The following ADGRV1 variants were observed in gnomAD, a reference collection of about 807,000 sequenced individuals.
ADGRV1 encodes adhesion G protein-coupled receptor V1, also known as G-protein coupled receptor 98.
ADGRV1 carries 359 observed loss-of-function variants against 596.2 expected under a neutral mutation model. The observed-to-expected ratio is 0.60, with a 90% CI of 0.55 to 0.66. The LOEUF (loss-of-function observed/expected upper bound fraction) is 0.66. Ranked by LOEUF, ADGRV1 falls within the 30% of genes least tolerant of loss-of-function variation. The pLI, the probability that ADGRV1 is intolerant of heterozygous loss-of-function variation, is 0.00. For synonymous variants in ADGRV1, 2,681 were observed against 2,679.2 expected (o/e 1.00, Z -0.02); for missense variants, 7,274 against 7,575.6 (o/e 0.96, Z 1.48).
At chr5:90,791,421 C>A in intron 70 of ADGRV1, 75 bp downstream of exon 70, 2 of 1,096,148 alleles carry the variant, frequency 1.8e-6, no homozygotes, top group South Asian at 1.6e-5. Context: ...ACCTCATAAT[C>A]AGTTTGAAAT....
chr5:90,760,703 C>T (rs1043335480), intron 58 of ADGRV1, among the ~76,000 whole-genome samples: 1 of 152,150 alleles, frequency 6.6e-6, no homozygotes. Flanking sequence ...TTTCTTCTCT[C>T]TTACTTCTCA....
intron 85 of ADGRV1, chr5:91,031,118 AG>A: frequency 7.4e-7 from 1 of 1,358,936 alleles, no homozygotes; most frequent in Non-Finnish European, 1.0e-6. Flanking sequence ...CTTGTACACA[AG>A]TAAAAGAACA....
At position 90,790,944 on chromosome 5, in the gene ADGRV1, T is replaced by A; in HGVS notation, c.14115T>A (p.Ile4705=). Residue 4705 remains isoleucine (I), a synonymous_variant, in exon 70 of 90, where the codon ATT becomes ATA. Coordinates refer to ENST00000405460, the MANE Select transcript of ADGRV1 (RefSeq NM_032119.4). ...DFLSTSGFFT[I]ADGESEASFD... ...TTTCCACCAGTGGATTTTTCACCAT[T>A]GCTGATGGAGAGAGTGAAGCTAGCT... is the stretch of plus-strand genomic sequence containing the variant. 3 of 1,612,700 alleles carry A rather than the reference T, an allele frequency of 1.9e-6. No homozygotes were observed. The highest frequency in any genetic ancestry group is 2.5e-6 in the Non-Finnish European group (3 of 1,179,822).
At chr5:90,923,457 T>G (rs1417714315) in intron 83 of ADGRV1, among the ~76,000 whole-genome samples, 1 of 151,996 alleles carries the variant, frequency 6.6e-6, no homozygotes, top group Non-Finnish European at 1.5e-5. Context: ...TACTAAAATA[T>G]AACTCTGAAA....
At position 90,629,446 on chromosome 5, in the gene ADGRV1, C is replaced by T. The variant is rs1765213784; in HGVS notation, c.1746C>T (p.Asp582=). Residue 582 remains aspartate (D), a synonymous_variant, in exon 9 of 90, where the codon GAC becomes GAT. Transcript: ENST00000405460. The stretch of plus-strand genomic sequence containing the variant: ...TCTTAAATATATCAAGGAGAAATGA[C>T]CTCATTTTTCCAGAGCAAAAAACTC... ...EGILNISRRN[D]LIFPEQKTQV... is the part of the protein sequence containing the mutation. 1 of 1,613,346 alleles carries T rather than the reference C, an allele frequency of 6.2e-7. No homozygotes were observed. The highest frequency in any genetic ancestry group is 8.5e-7 in the Non-Finnish European group (1 of 1,179,578).
intron 86 of ADGRV1, among the ~76,000 whole-genome samples, chr5:91,093,858 T>G (rs560707826): frequency 2.6e-5 from 4 of 151,522 alleles, no homozygotes; most frequent in South Asian, 2.1e-4. Context: ...TAAGTTTTTT[T>G]TTTTTTTTTT....
At chr5:90,808,320 T>C (rs920892494) in intron 73 of ADGRV1, among the ~76,000 whole-genome samples, 13 of 152,196 alleles carry the variant, frequency 8.5e-5, no homozygotes, top group Admixed American at 5.2e-4. Flanking sequence ...GACTTAGGGA[T>C]TTAGTCCTGG....
intron 85 of ADGRV1, among the ~76,000 whole-genome samples, chr5:91,068,010 T>A (rs1160832337): frequency 6.6e-6 from 1 of 152,202 alleles, no homozygotes; most frequent in Admixed American, 6.5e-5. Context: ...CAGGTAATGA[T>A]TCAGGCTTCA....
chr5:91,153,044 A>G (rs1033165220), intron 88 of ADGRV1, among the ~76,000 whole-genome samples, 177 bp from the exon 89 acceptor site: 1 of 152,214 alleles, frequency 6.6e-6, no homozygotes, highest in Non-Finnish European at 1.5e-5. Context: ...GTGAGACTCC[A>G]TCTCTAGAAA....
chr5:90,957,447 A>T (rs1447447246), intron 83 of ADGRV1, among the ~76,000 whole-genome samples: 1 of 151,514 alleles, frequency 6.6e-6, no homozygotes, highest in Non-Finnish European at 1.5e-5. Flanking sequence ...TCTGTTTCTC[A>T]GAAGATGGCT....
rs549391980 is a variant in ADGRV1 at position 90,588,936 on chromosome 5, A to AT, written c.23-25895dup. On this transcript the variant is annotated intron_variant, in intron 1 of 89. Coordinates refer to ENST00000405460, the MANE Select transcript of ADGRV1 (RefSeq NM_032119.4). Reference sequence around the variant, plus strand: ...CTTATAACCTCAGAATTCTCAGCTGATTTTGCAACTTAGATGGAAATCAGG... The same window carrying AT: ...CTTATAACCTCAGAATTCTCAGCTGATTTTTGCAACTTAGATGGAAATCAGG... 3.8e-4 allele frequency among the ~76,000 whole-genome samples: 58 copies of AT among 152,206 alleles called. 1 individual carries two copies. Among genetic ancestry groups the AT allele is most frequent in the Non-Finnish European group, 1.2e-4 (8 of 68,044 alleles).
intron 83 of ADGRV1, among the ~76,000 whole-genome samples, chr5:90,873,423 T>C (rs1313138398): frequency 2.0e-5 from 3 of 152,130 alleles, no homozygotes; most frequent in African/African-American, 7.2e-5. Context: ...CTGTAGATGA[T>C]GGCATGTGCA....
intron 42 of ADGRV1, 89 bp downstream of exon 42, chr5:90,712,517 G>A: frequency 1.0e-6 from 1 of 1,003,514 alleles, no homozygotes; most frequent in Non-Finnish European, 1.4e-6. Context: ...AGAAAGTCTT[G>A]GTGGTTTTCT....
At chr5:90,602,663 A>G (rs556742923) in intron 1 of ADGRV1, among the ~76,000 whole-genome samples, 2 of 152,338 alleles carry the variant, frequency 1.3e-5, no homozygotes, top group South Asian at 4.1e-4. Context: ...AGCCCAAGGA[A>G]ACATGACAAC....
chr5:90,686,685 G>T (rs1433024925), intron 29 of ADGRV1, among the ~76,000 whole-genome samples: 2 of 152,182 alleles, frequency 1.3e-5, no homozygotes, highest in East Asian at 3.8e-4. Flanking sequence ...ACGTGTGCAT[G>T]TGTCTTTATA....
chr5:90,765,449 A>T (rs1452010039), intron 59 of ADGRV1, among the ~76,000 whole-genome samples: 1 of 149,036 alleles, frequency 6.7e-6, no homozygotes, highest in Non-Finnish European at 1.5e-5. Flanking sequence ...ACACACACAC[A>T]CACACACACA....
chr5:91,054,546 CTT>C (rs1276506122), intron 85 of ADGRV1, among the ~76,000 whole-genome samples: 1 of 152,086 alleles, frequency 6.6e-6, no homozygotes, highest in African/African-American at 2.4e-5. Flanking sequence ...ACTTATTTCT[CTT>C]GGTTCTGGAG....
chr5:91,144,019 T>C (rs778358443), intron 87 of ADGRV1, among the ~76,000 whole-genome samples: 2 of 152,062 alleles, frequency 1.3e-5, no homozygotes, highest in African/African-American at 4.8e-5. Flanking sequence ...TGCTGTGAGA[T>C]TGGAGCAGGC....
chr5:90,629,260 T>A lies in ADGRV1; in HGVS notation c.1560T>A (p.Phe520Leu), dbSNP rs1473840017. 1.9e-6 allele frequency: 3 copies of A among 1,611,918 alleles called. No homozygotes were observed. The South Asian group carries it at 3.3e-5, about 18-fold the overall frequency. Residue 520 changes from phenylalanine (F) to leucine (L), a missense_variant, in exon 9 of 90, where the codon TTT (phenylalanine) becomes TTA (leucine). By Grantham distance (22) the Phe-to-Leu change is conservative (BLOSUM62 0). Around this residue, in one of 5 missense-constraint regions of ADGRV1, gnomAD observed 1,715 missense variants for 1,708.8 expected, o/e 1.00. Transcript: ENST00000405460. ...ATGATGTCTATGGCCTAATAACATTTTTTCCTATGGAAAACCAGAAGATTG... is the reference window on the plus strand; with the variant it reads ...ATGATGTCTATGGCCTAATAACATTATTTCCTATGGAAAACCAGAAGATTG... ...DSDDVYGLIT[F>L]FPMENQKIES... is the part of the protein sequence containing the mutation.
Sources: allele counts gnomAD v4.1 joint callset (sites outside exome capture counted in the v4.1 genomes callset), GRCh38; gene constraint gnomAD v4.1.1; regional missense constraint gnomAD v4.1.1; transcripts MANE v1.5; gene names NCBI Gene and HGNC (gene_info 2026-07-23, HGNC 2026-07-21).